CCDC73: variants seen among roughly 807,000 people sequenced by gnomAD.
CCDC73 encodes coiled-coil domain containing 73.
Under a neutral mutation model 116.5 loss-of-function variants are expected in CCDC73, and 95 were observed. The ratio of observed to expected loss-of-function variants is 0.82; its 90% CI spans 0.69 to 0.97. The LOEUF is 0.97. CCDC73 is among the 50% of genes least tolerant of loss of function. The pLI, the probability that CCDC73 is intolerant of heterozygous loss-of-function variation, is 0.00. For missense variants in CCDC73, 1,066 were observed against 1,206.8 expected, an observed-to-expected ratio of 0.88 and a Z score of 1.73; for synonymous variants, 398 against 401.3, an observed-to-expected ratio of 0.99 and a Z score of 0.10.
chr11:32,653,959 A>G lies in CCDC73; in HGVS notation c.834+19T>C. 6.3e-7 allele frequency: 1 copy of G among 1,589,656 alleles called. No homozygotes were observed. The highest frequency in any genetic ancestry group is 1.2e-5 in the South Asian group (1 of 86,520). ...TTTTAGAATATTTACTGGCTTCCAA[A>G]TAGCTTATGATTGCTTACCTGTTTT... On this transcript the variant is annotated intron_variant, in intron 11 of 17. Transcript: ENST00000335185.
chr11:32,774,159 C>T (rs1850512957), intron 1 of CCDC73, among the ~76,000 whole-genome samples: 1 of 152,180 alleles, frequency 6.6e-6, no homozygotes, highest in Non-Finnish European at 1.5e-5. Flanking sequence ...ATTTTTCCAG[C>T]ACACAAACTT....
chr11:32,684,469 C>A (rs1320053925), intron 6 of CCDC73, among the ~76,000 whole-genome samples: 1 of 152,142 alleles, frequency 6.6e-6, no homozygotes, highest in Admixed American at 6.5e-5. Flanking sequence ...TTTTCTGTGA[C>A]AAATTAATGT....
intron 3 of CCDC73, among the ~76,000 whole-genome samples, chr11:32,710,726 C>A (rs1048787060): frequency 6.6e-6 from 1 of 152,140 alleles, no homozygotes; most frequent in Non-Finnish European, 1.5e-5. Flanking sequence ...CAGTTTAAGT[C>A]CATTGTTTCT....
At chr11:32,809,384 A>C in the CCDC73 span, among the ~76,000 whole-genome samples, 1 of 152,184 alleles carries the variant, frequency 6.6e-6, no homozygotes, top group Non-Finnish European at 1.5e-5. Context: ...CCTAGACAAT[A>C]ATAGAGGAAG....
chr11:32,802,233 A>C, the CCDC73 span, among the ~76,000 whole-genome samples: 1 of 152,154 alleles, frequency 6.6e-6, no homozygotes, highest in Non-Finnish European at 1.5e-5. Flanking sequence ...TTCTGGTATT[A>C]TTACTATATG....
intron 1 of CCDC73, among the ~76,000 whole-genome samples, chr11:32,761,056 T>A (rs548222600): frequency 9.5e-4 from 145 of 152,242 alleles, no homozygotes; most frequent in Non-Finnish European, 1.1e-3. Flanking sequence ...CAATTTAAGA[T>A]ACAGAACTCT....
chr11:32,602,980 T>C lies in CCDC73; in HGVS notation c.3071A>G (p.His1024Arg). The change falls in exon 18 of 18, where the codon CAT becomes CGT. Residue 1024 changes from histidine (H) to arginine (R), a missense_variant. Coordinates refer to ENST00000335185, the MANE Select transcript of CCDC73 (RefSeq NM_001008391.4). Reference protein sequence around the residue: ...KPLISTPLQSHLQAIKTTKNT... With the variant: ...KPLISTPLQSRLQAIKTTKNT... The stretch of plus-strand genomic sequence containing the variant: ...TTTAGTCGTCTTGATTGCCTGCAAA[T>C]GGCTTTGTAGTGGAGTTGATATCAG... 1 of 1,613,364 alleles carries C rather than the reference T, an allele frequency of 6.2e-7. No homozygotes were observed. The highest frequency in any genetic ancestry group is 1.1e-5 in the South Asian group (1 of 90,798).
At chr11:32,638,391 T>A (rs915712378) in intron 13 of CCDC73, among the ~76,000 whole-genome samples, 7 of 152,234 alleles carry the variant, frequency 4.6e-5, no homozygotes, top group African/African-American at 1.4e-4. Context: ...CAATGTCACA[T>A]TTCACACATC....
rs114378652 is a variant in CCDC73, at chr11:32,652,608, C to A, written c.939+515G>T. 7.2e-3 allele frequency among the ~76,000 whole-genome samples: 1,090 copies of A among 152,286 alleles called. 17 individuals are homozygous for A. The highest frequency in any genetic ancestry group is 0.025 in the African/African-American group (1,051 of 41,566). On this transcript the variant is annotated intron_variant, in intron 12 of 17. Transcript: ENST00000335185. ...GCCTCTTTTTTGAACCCTGCACTCC[C>A]AAATTATCAATGGCCAACAATGTCT...
At chr11:32,719,252 T>A (rs1565084157) in intron 2 of CCDC73, among the ~76,000 whole-genome samples, 4 of 152,232 alleles carry the variant, frequency 2.6e-5, no homozygotes, top group Admixed American at 2.0e-4. Flanking sequence ...TTCTGCTGAA[T>A]AACAGGCAGA....
At chr11:32,617,933 A>G (rs1855489688) in intron 14 of CCDC73, among the ~76,000 whole-genome samples, 1 of 152,190 alleles carries the variant, frequency 6.6e-6, no homozygotes, top group African/African-American at 2.4e-5. Flanking sequence ...GGTTGGTTAC[A>G]TGGCTATATT....
intron 7 of CCDC73, chr11:32,682,712 A>G (rs1856158988): frequency 6.6e-6 from 1 of 152,020 alleles, no homozygotes; most frequent in African/African-American, 2.4e-5. Flanking sequence ...ACAGAAAAAA[A>G]AATCCTTCTG....
intron 1 of CCDC73, among the ~76,000 whole-genome samples, chr11:32,771,980 A>G (rs1054450644): frequency 2.0e-4 from 30 of 152,194 alleles, no homozygotes; most frequent in African/African-American, 7.0e-4. Context: ...ACATGGAGAG[A>G]GGAGGCCCAG....
At chr11:32,662,023 T>C (rs1176501997) in intron 9 of CCDC73, among the ~76,000 whole-genome samples, 5 of 152,216 alleles carry the variant, frequency 3.3e-5, no homozygotes, top group Admixed American at 6.5e-5. Context: ...CTCATCCTTT[T>C]TTATGGCTAC....
chr11:32,731,539 C>T (rs997124277), intron 2 of CCDC73, among the ~76,000 whole-genome samples: 1 of 152,204 alleles, frequency 6.6e-6, no homozygotes. Flanking sequence ...ACACCTCATA[C>T]AGCCGTGTGC....
intron 17 of CCDC73, chr11:32,606,356 T>C (rs954425988): frequency 6.6e-6 from 1 of 152,244 alleles, no homozygotes; most frequent in South Asian, 2.1e-4. Flanking sequence ...CCAAATGGCC[T>C]CTTACAACTG....
chr11:32,766,171 G>A (rs1217017645), intron 1 of CCDC73, among the ~76,000 whole-genome samples: 11 of 152,034 alleles, frequency 7.2e-5, no homozygotes, highest in South Asian at 2.1e-4. Context: ...ATCAATAAAC[G>A]TAATCCAGCA....
chr11:32,733,854 A>G (rs1850101613), intron 2 of CCDC73, among the ~76,000 whole-genome samples: 1 of 152,220 alleles, frequency 6.6e-6, no homozygotes, highest in African/African-American at 2.4e-5. Context: ...ATCACAATTA[A>G]AAGAACTAGA....
intron 5 of CCDC73, 80 bp downstream of exon 5, chr11:32,700,711 G>C (rs778445107): frequency 4.9e-6 from 3 of 613,368 alleles, no homozygotes; most frequent in Non-Finnish European, 8.4e-6. Flanking sequence ...ATAATAAAAG[G>C]CATCTAGCTA....
Sources: allele counts gnomAD v4.1 joint callset (sites outside exome capture counted in the v4.1 genomes callset), GRCh38; gene constraint gnomAD v4.1.1; transcripts MANE v1.5; gene names NCBI Gene and HGNC (gene_info 2026-07-23, HGNC 2026-07-21).